The following CDIN1 variants were observed in gnomAD, a reference collection of about 807,000 sequenced individuals.
The protein encoded by CDIN1 is CDAN1-interacting nuclease 1.
CDIN1 carries 33 observed loss-of-function variants against 45.3 expected under a neutral mutation model. The observed-to-expected ratio is 0.73, with a 90% CI of 0.55 to 0.97. The LOEUF is 0.97. Among genes scored for constraint, CDIN1 ranks in the 50% least tolerant of loss-of-function variants. The probability of loss-of-function intolerance (pLI) is 0.00; values close to 1 mark genes in which losing one functional copy is unlikely to be tolerated. For synonymous variants in CDIN1, 118 were observed against 124.4 expected (o/e 0.95, Z 0.34); for missense variants, 303 against 339.4 (o/e 0.89, Z 0.84).
In CDIN1 at chr15:36,746,336, A is replaced by G. The variant is rs374872590; in HGVS notation, c.716+36375A>G. Among the ~76,000 whole-genome samples the G allele has an allele frequency of 5.3e-5, 8 of 152,298 alleles. No individual in the cohort carries two copies. In the South Asian group the frequency reaches 8.3e-4, roughly 16 times the overall value. On this transcript the variant is annotated intron_variant, in intron 10 of 10. Transcript: ENST00000566621. The stretch of plus-strand genomic sequence containing the variant: ...GAAGTTATTGCTGAAATACAAGTGC[A>G]AAATAGAAAAGGAACAAAAACAGAT...
chr15:36,611,592 A>G (rs2038652866), intron 1 of CDIN1, among the ~76,000 whole-genome samples: 1 of 152,212 alleles, frequency 6.6e-6, no homozygotes, highest in Admixed American at 6.5e-5. Context: ...ATACCTCATA[A>G]AATCAGCTGA....
At chr15:36,716,683 A>C (rs963677893) in intron 10 of CDIN1, among the ~76,000 whole-genome samples, 2 of 152,056 alleles carry the variant, frequency 1.3e-5, no homozygotes, top group African/African-American at 4.8e-5. Context: ...AACTATGATG[A>C]GGTTAGTCTG....
intron 10 of CDIN1, among the ~76,000 whole-genome samples, chr15:36,726,795 T>A (rs1457137709): frequency 2.0e-5 from 3 of 152,132 alleles, no homozygotes; most frequent in Non-Finnish European, 4.4e-5. Flanking sequence ...CTGAGTACAG[T>A]ATAAACTGTA....
intron 5 of CDIN1, among the ~76,000 whole-genome samples, chr15:36,660,230 C>T (rs1369886844): frequency 6.6e-6 from 1 of 152,124 alleles, no homozygotes; most frequent in Non-Finnish European, 1.5e-5. Context: ...GCATCCATCA[C>T]CCCCTTCCCT....
intron 1 of CDIN1, among the ~76,000 whole-genome samples, chr15:36,630,313 AAAACTCTACTT>A (rs2039626068): frequency 6.6e-6 from 1 of 152,208 alleles, no homozygotes; most frequent in South Asian, 2.1e-4. Context: ...GTTTTTTGAT[AAAACTCTACTT>A]AAACATCTTA....
intron 7 of CDIN1, among the ~76,000 whole-genome samples, chr15:36,693,722 A>C (rs146918418): frequency 1.8e-3 from 280 of 152,312 alleles, no homozygotes; most frequent in African/African-American, 5.7e-3. Flanking sequence ...ACGGGAAACT[A>C]GATTGCTGTA....
At chr15:36,669,267 A>G (rs2041360730) in intron 5 of CDIN1, among the ~76,000 whole-genome samples, 1 of 152,098 alleles carries the variant, frequency 6.6e-6, no homozygotes, top group Non-Finnish European at 1.5e-5. Flanking sequence ...TTCCTGCTGT[A>G]ATTACCCATA....
intron 10 of CDIN1, among the ~76,000 whole-genome samples, chr15:36,768,605 C>A (rs990116721): frequency 1.3e-5 from 2 of 152,284 alleles, no homozygotes; most frequent in African/African-American, 4.8e-5. Context: ...TGCCTTTACG[C>A]AGATCCCCAT....
At chr15:36,708,633 A>G (rs945379392) in intron 8 of CDIN1, 3 of 152,134 alleles carry the variant, frequency 2.0e-5, no homozygotes, top group South Asian at 4.1e-4. Context: ...ATTGCTTTTC[A>G]GAATTACATA....
At position 36,691,763 on chromosome 15, in the gene CDIN1, A is replaced by G. The variant is rs1317582021; in HGVS notation, c.425A>G (p.Gln142Arg). 2 of 1,586,880 alleles carry G rather than the reference A, an allele frequency of 1.3e-6. No individual in the cohort carries two copies. The highest frequency in any genetic ancestry group is 1.7e-6 in the Non-Finnish European group (2 of 1,161,702). ...GGAGTTCTAGCAAATCAGGTCTATC[A>G]GGTATTAATCACAGCTGTCTATTTT... Reference protein sequence around the residue: ...PDGVLANQVYQCIVNDCCYGP... With the variant: ...PDGVLANQVYRCIVNDCCYGP... Residue 142 changes from glutamine (Q) to arginine (R), a missense_variant and splice_region_variant, in exon 6 of 11, where the codon CAG (glutamine) becomes CGG (arginine). By Grantham distance (43) the Gln-to-Arg change is conservative (BLOSUM62 1). Transcript: ENST00000566621.
intron 10 of CDIN1, among the ~76,000 whole-genome samples, chr15:36,800,457 C>T (rs184467622): frequency 1.6e-3 from 247 of 152,166 alleles, no homozygotes; most frequent in African/African-American, 5.6e-3. Flanking sequence ...TTATTGTACA[C>T]GTATTTACAC....
intron 1 of CDIN1, among the ~76,000 whole-genome samples, chr15:36,624,695 G>A (rs778718061): frequency 6.6e-6 from 1 of 152,126 alleles, no homozygotes; most frequent in Non-Finnish European, 1.5e-5. Context: ...TATCAGCTTG[G>A]TAATTGGGGG....
At chr15:36,751,226 A>ATT (rs1158867209) in intron 10 of CDIN1, among the ~76,000 whole-genome samples, 3 of 36,030 alleles carry the variant, frequency 8.3e-5, no homozygotes, top group African/African-American at 2.9e-4. Context: ...ATATATGCTT[A>ATT]TTTTATATAT....
intron 10 of CDIN1, among the ~76,000 whole-genome samples, chr15:36,753,824 C>A (rs905023261): frequency 6.6e-6 from 1 of 152,028 alleles, no homozygotes; most frequent in African/African-American, 2.4e-5. Context: ...AGCCCCTTTT[C>A]ACCCCCCAGA....
intron 10 of CDIN1, among the ~76,000 whole-genome samples, chr15:36,749,644 T>C (rs2053405209): frequency 6.6e-6 from 1 of 152,256 alleles, no homozygotes; most frequent in Non-Finnish European, 1.5e-5. Context: ...GCATCAGTAA[T>C]TGAACAGTGG....
At chr15:36,745,091 G>A (rs573443853) in intron 10 of CDIN1, among the ~76,000 whole-genome samples, 8 of 152,074 alleles carry the variant, frequency 5.3e-5, no homozygotes, top group South Asian at 2.1e-4. Context: ...ACCCAGCCAG[G>A]GTTATACATA....
In CDIN1 at chr15:36,654,174, TG is replaced by T; in HGVS notation, c.273+17del. The stretch of plus-strand genomic sequence containing the variant: ...GGCCAATGAGGTAATGTTATTGTTA[TG>T]ATTTTATTTAAACCTGCGTGTAACC... On this transcript the variant is annotated intron_variant, in intron 4 of 10. Coordinates refer to ENST00000566621, the MANE Select transcript of CDIN1 (RefSeq NM_001321759.2). The T allele has an allele frequency of 6.4e-7, 1 of 1,556,890 alleles. No individual in the cohort carries two copies. The highest frequency in any genetic ancestry group is 8.7e-7 in the Non-Finnish European group (1 of 1,148,076).
chr15:36,661,338 A>C (rs988537281), intron 5 of CDIN1, among the ~76,000 whole-genome samples: 6 of 152,166 alleles, frequency 3.9e-5, no homozygotes, highest in Admixed American at 3.9e-4. Context: ...TACCCCACTC[A>C]GTAGCCTTTC....
chr15:36,653,515 T>C (rs1802800871), intron 3 of CDIN1, among the ~76,000 whole-genome samples: 1 of 151,902 alleles, frequency 6.6e-6, no homozygotes, highest in African/African-American at 2.4e-5. Context: ...TTTGGGGATT[T>C]TGGGGAGTTG....
Sources: gnomAD v4.1 joint callset for allele counts (sites outside exome capture counted in the v4.1 genomes callset) on GRCh38, gnomAD v4.1.1 for gene constraint, MANE v1.5 for transcripts, NCBI Gene and HGNC (gene_info 2026-07-23, HGNC 2026-07-21) for gene names.